ZNF708: variants seen among roughly 807,000 people sequenced by gnomAD.
ZNF708 encodes zinc finger protein 708, also known as ZNF15, ZNF15L1.
ZNF708 carries 44 observed loss-of-function variants against 47.0 expected under a neutral mutation model. That is an observed-to-expected ratio of 0.94 (90% CI 0.74 to 1.20). ZNF708 has a LOEUF of 1.20. Among genes scored for constraint, ZNF708 ranks in the 50% most tolerant of loss-of-function variants. The pLI is 0.00. For missense variants in ZNF708, 557 were observed against 656.0 expected, an observed-to-expected ratio of 0.85 and a Z score of 1.65; for synonymous variants, 184 against 218.5, an observed-to-expected ratio of 0.84 and a Z score of 1.39.
At chr19:21,308,259 T>A (rs376192820) in intron 3 of ZNF708, among the ~76,000 whole-genome samples, 1 of 151,902 alleles carries the variant, frequency 6.6e-6, no homozygotes, top group East Asian at 1.9e-4. Flanking sequence ...ATCCCTAAAT[T>A]TACATGAAAC....
chr19:21,310,753 C>T (rs1972882766), intron 1 of ZNF708, 126 bp from the exon 2 acceptor site: 2 of 689,502 alleles, frequency 2.9e-6, no homozygotes, highest in Non-Finnish European at 4.2e-6. Context: ...TGAAATTATC[C>T]AATAAAATAA....
chr19:21,305,251 C>G (rs964534010), intron 3 of ZNF708, among the ~76,000 whole-genome samples: 1 of 151,580 alleles, frequency 6.6e-6, no homozygotes, highest in East Asian at 2.0e-4. Context: ...CCTTGTGATT[C>G]GCTCACCTCA....
chr19:21,297,960 AGT>A (rs66590988), intron 3 of ZNF708, among the ~76,000 whole-genome samples: 32,862 of 149,776 alleles, frequency 0.22, 3,574 homozygotes, highest in Middle Eastern at 0.32. Context: ...ACAAATGACT[AGT>A]GTGTGTGTGT....
chr19:21,297,264 ATATATATTTTTTT>A (rs1568345526), intron 3 of ZNF708, among the ~76,000 whole-genome samples: 5 of 13,990 alleles, frequency 3.6e-4, no homozygotes, highest in Non-Finnish European at 7.7e-4. Flanking sequence ...ATATATATAT[ATATATATTTTTTT>A]TTTTTTTTTT....
At chr19:21,304,772 T>A (rs962715709) in intron 3 of ZNF708, among the ~76,000 whole-genome samples, 21 of 152,010 alleles carry the variant, frequency 1.4e-4, no homozygotes, top group Admixed American at 4.6e-4. Flanking sequence ...GCTCAAAAAT[T>A]TGAGGTAAAA....
intron 1 of ZNF708, among the ~76,000 whole-genome samples, chr19:21,319,901 C>G (rs777164333): frequency 6.6e-6 from 1 of 152,146 alleles, no homozygotes; most frequent in Admixed American, 6.5e-5. Context: ...GGCGGCCAGA[C>G]TTAGTGGCTC....
At position 21,294,561 on chromosome 19, in the gene ZNF708, G is replaced by A; in HGVS notation, c.405C>T (p.Thr135=). 2.5e-6 allele frequency: 4 copies of A among 1,614,010 alleles called. No homozygotes were observed. The highest frequency in any genetic ancestry group is 3.4e-6 in the Non-Finnish European group (4 of 1,179,954). The change falls in exon 4 of 4, where the codon ACC becomes ACT. Residue 135 remains threonine (T), a synonymous_variant. Coordinates refer to ENST00000356929, the MANE Select transcript of ZNF708 (RefSeq NM_021269.3). ...HKGLNRCVTT[T]QSKIVQCDKY... is the part of the protein sequence containing the mutation. ...TGTCACACTGAACTATTTTGCTCTG[G>A]GTAGTTGTCACACACCGGTTAAGTC...
rs1452448212 is a variant in ZNF708 at position 21,296,941 on chromosome 19, T to C, written c.227-2202A>G. On this transcript the variant is annotated intron_variant, in intron 3 of 3. Transcript: ENST00000356929. Reference sequence around the variant, plus strand: ...TGACGTCAGGAGTTCAGGACCAGCCTGGCCAACATGGTGAAACCCCATCTC... The same window carrying C: ...TGACGTCAGGAGTTCAGGACCAGCCCGGCCAACATGGTGAAACCCCATCTC... 2.6e-5 allele frequency among the ~76,000 whole-genome samples: 4 copies of C among 151,870 alleles called. No individual in the cohort carries two copies. The East Asian group carries it at 7.7e-4, about 29-fold the overall frequency.
intron 3 of ZNF708, among the ~76,000 whole-genome samples, chr19:21,305,707 C>T (rs756084471): frequency 2.0e-5 from 3 of 152,028 alleles, no homozygotes; most frequent in Non-Finnish European, 2.9e-5. Context: ...ATGATCTGCC[C>T]GCCTGGGCCT....
intron 1 of ZNF708, among the ~76,000 whole-genome samples, chr19:21,326,741 G>C (rs1259629270): frequency 3.3e-5 from 5 of 151,874 alleles, no homozygotes; most frequent in Non-Finnish European, 5.9e-5. Context: ...GACCAGCCTG[G>C]CCAACATGGA....
chr19:21,294,457 C>T lies in ZNF708; in HGVS notation c.509G>A (p.Cys170Tyr), dbSNP rs1322043185. Reference protein sequence around the residue: ...IRHTGKNPFKCKECGKSFCML... With the variant: ...IRHTGKNPFKYKECGKSFCML... ...GCAAAATGATTTGCCACATTCTTTA[C>T]ATTTGAAAGGATTTTTTCCAGTATG... Residue 170 changes from cysteine (C) to tyrosine (Y), a missense_variant, in exon 4 of 4, where the codon TGT (cysteine) becomes TAT (tyrosine). Physicochemically the swap from Cys to Tyr is radical, Grantham distance 194. Coordinates refer to ENST00000356929, the MANE Select transcript of ZNF708 (RefSeq NM_021269.3). 6.2e-7 allele frequency: 1 copy of T among 1,614,156 alleles called. No individual in the cohort carries two copies. The highest frequency in any genetic ancestry group is 2.2e-5 in the East Asian group (1 of 44,866).
intron 1 of ZNF708, among the ~76,000 whole-genome samples, chr19:21,325,666 C>T (rs895142783): frequency 6.6e-6 from 1 of 152,168 alleles, no homozygotes; most frequent in African/African-American, 2.4e-5. Context: ...GCAAGGATTT[C>T]ATGACCAAGA....
chr19:21,293,945 A>G lies in ZNF708; in HGVS notation c.1021T>C (p.Cys341Arg). The G allele has an allele frequency of 6.2e-7, 1 of 1,613,514 alleles. No individual in the cohort carries two copies. The highest frequency in any genetic ancestry group is 8.5e-7 in the Non-Finnish European group (1 of 1,179,868). The change falls in exon 4 of 4, where the codon TGT (cysteine) becomes CGT (arginine). Residue 341 changes from cysteine (C) to arginine (R), a missense_variant. Cys to Arg is a radical substitution (Grantham distance 180). Transcript: ENST00000356929. ...TGEKPYKCEE[C>R]GKAFSVFSTL... ...GAAAATACACTAAAAGCTTTGCCACATTCTTCACATTTGTAGGGTTTCTCA... is the reference window on the plus strand; with the variant it reads ...GAAAATACACTAAAAGCTTTGCCACGTTCTTCACATTTGTAGGGTTTCTCA...
intron 3 of ZNF708, among the ~76,000 whole-genome samples, chr19:21,301,305 G>A (rs999825572): frequency 2.0e-5 from 3 of 151,300 alleles, no homozygotes; most frequent in Admixed American, 6.6e-5. Context: ...AGTGAATCCC[G>A]ATCTCTACTA....
chr19:21,291,588 C>G lies in ZNF708; in HGVS notation c.*1686G>C, dbSNP rs891370977. 3.9e-5 allele frequency: 6 copies of G among 152,052 alleles called. No individual in the cohort carries two copies. Among genetic ancestry groups the G allele is most frequent in the Admixed American group, 2.0e-4 (3 of 15,262 alleles). The allele number at this position is 152,052 out of a possible 1,614,324, so 9.4% of individuals were successfully genotyped here. A position where few individuals can be genotyped will look rare whatever the true frequency, so the allele number is the denominator to read the frequency against. ...TCAAGGAAAAAAGAACACTTTGGGC[C>G]GGGCGCTGTGGCTTAAGCCTGTAAT... On this transcript the variant is annotated 3_prime_UTR_variant, in exon 4 of 4. Coordinates refer to ENST00000356929, the MANE Select transcript of ZNF708 (RefSeq NM_021269.3).
chr19:21,324,620 G>A (rs1044420903), intron 1 of ZNF708, among the ~76,000 whole-genome samples: 2 of 151,924 alleles, frequency 1.3e-5, no homozygotes, highest in East Asian at 1.9e-4. Flanking sequence ...TGACATAAGA[G>A]AAGAAAATTT....
At chr19:21,311,157 C>T (rs1310976379) in intron 1 of ZNF708, among the ~76,000 whole-genome samples, 1 of 151,982 alleles carries the variant, frequency 6.6e-6, no homozygotes, top group Non-Finnish European at 1.5e-5. Context: ...AGTAAAAGGG[C>T]CTGTGTTTTT....
intron 3 of ZNF708, among the ~76,000 whole-genome samples, chr19:21,300,505 TA>T (rs1215143351): frequency 1.7e-3 from 193 of 110,440 alleles, no homozygotes; most frequent in Non-Finnish European, 1.9e-3. Context: ...AAACTCTGTC[TA>T]AAAAAAAAAA....
chr19:21,293,536 T>C lies in ZNF708; in HGVS notation c.1430A>G (p.Lys477Arg). 6.2e-7 allele frequency: 1 copy of C among 1,613,378 alleles called. No individual in the cohort carries two copies. The highest frequency in any genetic ancestry group is 8.5e-7 in the Non-Finnish European group (1 of 1,179,780). Residue 477 changes from lysine (K) to arginine (R), a missense_variant, in exon 4 of 4, where the codon AAG (lysine) becomes AGG (arginine). By Grantham distance (26) the Lys-to-Arg change is conservative. Coordinates refer to ENST00000356929, the MANE Select transcript of ZNF708 (RefSeq NM_021269.3). ...KKIHTGEKPY[K>R]CEECGKSFIL... ...AAAGCTTTTGCCACATTCTTCACAC[T>C]TATAGGGTTTCTCTCCAGTATGAAT...
Sources: allele counts gnomAD v4.1 joint callset (sites outside exome capture counted in the v4.1 genomes callset), GRCh38; gene constraint gnomAD v4.1.1; transcripts MANE v1.5; gene names NCBI Gene and HGNC (gene_info 2026-07-23, HGNC 2026-07-21).